FAT2: variants seen among roughly 807,000 people sequenced by gnomAD.
The protein encoded by FAT2 is FAT atypical cadherin 2.
A neutral mutation model predicts 295.3 loss-of-function variants in FAT2; 150 were observed. The observed-to-expected ratio is 0.51, with a 90% CI of 0.44 to 0.58. The LOEUF is 0.58. Ranked by LOEUF, FAT2 falls within the 20% of genes least tolerant of loss-of-function variation. FAT2 has a pLI of 0.00. For synonymous variants in FAT2, 2,026 were observed against 2,150.3 expected, an observed-to-expected ratio of 0.94 and a Z score of 1.60; for missense variants, 4,868 against 5,442.7, an observed-to-expected ratio of 0.89 and a Z score of 3.32.
rs572704184 is a variant in FAT2, at chr5:151,568,515, C to T, written c.417G>A (p.Leu139=). 2.5e-6 allele frequency: 4 copies of T among 1,614,104 alleles called. No individual in the cohort carries two copies. The highest frequency in any genetic ancestry group is 3.4e-6 in the Non-Finnish European group (4 of 1,180,010). ...AGAGAGGCTTCAGGTCATTCTGGTC[C>T]AGGATGTGGACCACCACACGGGTCA... ...EALTRVVVHI[L]DQNDLKPLFS... Residue 139 remains leucine, a synonymous_variant, in exon 2 of 24, where the codon CTG becomes CTA. Coordinates refer to ENST00000261800, the MANE Select transcript of FAT2 (RefSeq NM_001447.3).
In FAT2 at chr5:151,563,645, G is replaced by A. The variant is rs772630017; in HGVS notation, c.3260-6C>T. 16 of 1,609,330 alleles carry A rather than the reference G, an allele frequency of 9.9e-6. No individual in the cohort carries two copies. The South Asian group carries it at 1.7e-4, about 17-fold the overall frequency. Reference sequence around the variant, plus strand: ...TGCCAGAGTCTGAATCATTCCTAGGGACAGTAAGTCAGCAAACCCAAAATA... The same window carrying A: ...TGCCAGAGTCTGAATCATTCCTAGGAACAGTAAGTCAGCAAACCCAAAATA... On this transcript the variant is annotated splice_region_variant and splice_polypyrimidine_tract_variant and intron_variant, in intron 2 of 23. Coordinates refer to ENST00000261800, the MANE Select transcript of FAT2 (RefSeq NM_001447.3).
Position 151,525,834 on chromosome 5 carries a change from A to T in FAT2, c.10440T>A (p.Asp3480Glu), listed in dbSNP as rs746991652. 4.5e-5 allele frequency: 72 copies of T among 1,613,974 alleles called. No individual in the cohort carries two copies. Among genetic ancestry groups the T allele is most frequent in the Admixed American group, 6.7e-5 (4 of 59,992 alleles). Residue 3480 changes from aspartate (D) to glutamate (E), a missense_variant, in exon 18 of 24, where the codon GAT (aspartate) becomes GAA (glutamate). Asp to Glu is a conservative substitution (Grantham distance 45). Around this residue, in one of 5 missense-constraint regions of FAT2, gnomAD observed 1,046 missense variants for 1,210.1 expected, o/e 0.86. Transcript: ENST00000261800. ...NNGSAFRVTP[D>E]GWLVTAEGLS... is the part of the protein sequence containing the mutation. ...GGCCCTCAGCAGTCACCAGCCATCC[A>T]TCCGGGGTCACTCGGAAGGCAGAGC... is the stretch of plus-strand genomic sequence containing the variant.
intron 3 of FAT2, among the ~76,000 whole-genome samples, chr5:151,562,485 C>T (rs990454436): frequency 2.6e-5 from 4 of 152,100 alleles, no homozygotes; most frequent in Admixed American, 6.5e-5. Context: ...CAATGAGGGA[C>T]GCAGGCTGGG....
intron 4 of FAT2, 76 bp downstream of exon 4, chr5:151,556,267 TG>T: frequency 2.5e-6 from 3 of 1,211,536 alleles, no homozygotes; most frequent in Non-Finnish European, 3.7e-6. Context: ...TCAGCCACAG[TG>T]CTAGACATGC....
rs1348852517 is a variant in FAT2, at chr5:151,543,352, A to G, written c.7775T>C (p.Val2592Ala). ...PPQFKASEYTVSIQSNVSKDS... is the reference protein window; with the variant it reads ...PPQFKASEYTASIQSNVSKDS... The stretch of plus-strand genomic sequence containing the variant: ...TTTACTGACATTGGATTGAATGGAT[A>G]CTGTGTACTCAGATGCTTTGAACTG... The change falls in exon 10 of 24, where the codon GTA becomes GCA. Residue 2592 changes from valine (V) to alanine (A), a missense_variant. This residue lies in a region of FAT2 where 3,297 missense variants were observed against 3,669.4 expected (regional missense o/e 0.90). Coordinates refer to ENST00000261800, the MANE Select transcript of FAT2 (RefSeq NM_001447.3). The G allele has an allele frequency of 1.2e-6, 2 of 1,614,042 alleles. No homozygotes were observed. Among genetic ancestry groups the G allele is most frequent in the Non-Finnish European group, 1.7e-6 (2 of 1,180,044 alleles).
At position 151,553,388 on chromosome 5, in the gene FAT2, C is replaced by A. The variant is rs1283150947; in HGVS notation, c.3946-1G>T. 6.2e-7 allele frequency: 1 copy of A among 1,613,944 alleles called. No individual in the cohort carries two copies. The highest frequency in any genetic ancestry group is 8.5e-7 in the Non-Finnish European group (1 of 1,179,914). On this transcript the variant is annotated splice_acceptor_variant, in intron 5 of 23. Coordinates refer to ENST00000261800, the MANE Select transcript of FAT2 (RefSeq NM_001447.3). LOFTEE classifies it high-confidence loss of function. Reference sequence around the variant, plus strand: ...GCTGCCCACTGTCTGTTGCCTTGATCTGAAAGGAGGCCAACACCAAAACTG... The same window carrying A: ...GCTGCCCACTGTCTGTTGCCTTGATATGAAAGGAGGCCAACACCAAAACTG...
chr5:151,543,484 G>A lies in FAT2; in HGVS notation c.7643C>T (p.Ser2548Leu). The part of the protein sequence containing the change: ...ATLQKLDREN[S>L]TERVIAIKVM... ...CTTAATAGCAATGACTCTCTCTGTT[G>A]AATTTTCCCGATCCAGTTTCTGCAG... Residue 2548 changes from serine (S) to leucine (L), a missense_variant, in exon 10 of 24, where the codon TCA becomes TTA. This residue lies in a region of FAT2 where 3,297 missense variants were observed against 3,669.4 expected (regional missense o/e 0.90). Transcript: ENST00000261800. 6.2e-7 allele frequency: 1 copy of A among 1,614,156 alleles called. No individual in the cohort carries two copies. The highest frequency in any genetic ancestry group is 8.5e-7 in the Non-Finnish European group (1 of 1,180,034).
chr5:151,547,886 T>G (rs1003667314), intron 9 of FAT2, among the ~76,000 whole-genome samples: 1 of 152,190 alleles, frequency 6.6e-6, no homozygotes, highest in African/African-American at 2.4e-5. Flanking sequence ...ATGATGGTTA[T>G]GTGTTGTGTT....
In FAT2 at chr5:151,522,183, C is replaced by T. The variant is rs760848238; in HGVS notation, c.10507-97G>A. On this transcript the variant is annotated intron_variant, in intron 18 of 23. Transcript: ENST00000261800. ...TCCTTGTGGAGCTACGTTTCTCTGC[C>T]CCACGCCCAACTTGAGGGCTGGCTC... 35 of 988,360 alleles carry T rather than the reference C, an allele frequency of 3.5e-5. No individual in the cohort carries two copies. The South Asian group carries it at 5.5e-4, about 16-fold the overall frequency. The allele number at this position is 988,360 out of a possible 1,614,324, so 61.2% of individuals were successfully genotyped here.
intron 13 of FAT2, among the ~76,000 whole-genome samples, chr5:151,533,744 C>CATAT (rs559542473): frequency 6.6e-6 from 1 of 151,278 alleles, no homozygotes; most frequent in East Asian, 1.9e-4. Context: ...TACACACATA[C>CATAT]ATATATATAT....
Position 151,512,270 on chromosome 5 carries a change from C to T in FAT2, c.11800G>A (p.Gly3934Ser), listed in dbSNP as rs1420322262. The T allele has an allele frequency of 3.7e-6, 6 of 1,614,236 alleles. No individual in the cohort carries two copies. Among genetic ancestry groups the T allele is most frequent in the Admixed American group, 1.7e-5 (1 of 60,034 alleles). The change falls in exon 21 of 24, where the codon GGC becomes AGC. Residue 3934 changes from glycine to serine, a missense_variant. Coordinates refer to ENST00000261800, the MANE Select transcript of FAT2 (RefSeq NM_001447.3). This position sits in a 1 kb window ranked among gnomAD's most constrained non-coding sequence, Gnocchi z 4.1. ...DLLAPGKTVA[G>S]LLETQALTQC... ...GTGAGGGCTTGTGTCTCCAGCAAGC[C>T]TGCCACCGTCTTGCCAGGGGCCAGC...
At position 151,505,761 on chromosome 5, in the gene FAT2, C is replaced by G. The variant is rs149865780; in HGVS notation, c.12854G>C (p.Gly4285Ala). 257 of 1,613,808 alleles carry G rather than the reference C, an allele frequency of 1.6e-4. 1 individual carries two copies. In the African/African-American group the frequency reaches 2.5e-3, roughly 16 times the overall value. The change falls in exon 24 of 24, where the codon GGG (glycine) becomes GCG (alanine). Residue 4285 changes from glycine to alanine, a missense_variant. Physicochemically the swap from Gly to Ala is moderately conservative, Grantham distance 60. Coordinates refer to ENST00000261800, the MANE Select transcript of FAT2 (RefSeq NM_001447.3). ...CCCGTCTGCCAGGCAGGGCCCTCCC[C>G]CTCCCTGCCGGAACTGCGAGTGGTA... ...SYYHSQFRQG[G>A]GGPCLADGGY...
chr5:151,586,063 A>G (rs945891007), intron 1 of FAT2, among the ~76,000 whole-genome samples: 9 of 152,336 alleles, frequency 5.9e-5, no homozygotes, highest in Middle Eastern at 3.4e-3. Context: ...CCTCAGGCTA[A>G]GCTTCCAAGG....
chr5:151,573,065 A>G lies in FAT2; in HGVS notation c.-20-4114T>C, dbSNP rs116682702. 5.2e-3 allele frequency among the ~76,000 whole-genome samples: 785 copies of G among 152,296 alleles called. 9 individuals are homozygous for G. The highest frequency in any genetic ancestry group is 0.018 in the African/African-American group (737 of 41,548). The stretch of plus-strand genomic sequence containing the variant: ...TACCTGGCCATGAATGGACCCTTTT[A>G]GGATATATGTATGAACCAACTCTGC... On this transcript the variant is annotated intron_variant, in intron 1 of 23. Coordinates refer to ENST00000261800, the MANE Select transcript of FAT2 (RefSeq NM_001447.3).
chr5:151,553,579 G>A (rs1274002515), intron 5 of FAT2, among the ~76,000 whole-genome samples, 192 bp from the exon 6 acceptor site: 2 of 152,196 alleles, frequency 1.3e-5, no homozygotes, highest in Non-Finnish European at 2.9e-5. Context: ...GCACGGTGGT[G>A]AACAAAACGT....
chr5:151,589,726 T>C (rs1008258158), intron 1 of FAT2, among the ~76,000 whole-genome samples: 1 of 151,514 alleles, frequency 6.6e-6, no homozygotes, highest in African/African-American at 2.4e-5. Context: ...TGAGACCCCA[T>C]CTCTACAAAA....
Position 151,545,199 on chromosome 5 carries a change from A to G in FAT2, c.5928T>C (p.Ala1976=), listed in dbSNP as rs1425017815. The part of the protein sequence containing the change: ...LQFDQDVYWA[A]VKENLQDRKA... Reference sequence around the variant, plus strand: ...TTCTGTCCTGCAAGTTCTCCTTCACAGCTGCCCAGTAGACATCCTGATCAA... The same window carrying G: ...TTCTGTCCTGCAAGTTCTCCTTCACGGCTGCCCAGTAGACATCCTGATCAA... The change falls in exon 10 of 24, where the codon GCT becomes GCC. Residue 1976 remains alanine (A), a synonymous_variant. Coordinates refer to ENST00000261800, the MANE Select transcript of FAT2 (RefSeq NM_001447.3). 1.2e-6 allele frequency: 2 copies of G among 1,614,088 alleles called. No individual in the cohort carries two copies. Among genetic ancestry groups the G allele is most frequent in the African/African-American group, 2.7e-5 (2 of 74,924 alleles).
chr5:151,537,372 AAAC>A (rs1755531774), intron 12 of FAT2, among the ~76,000 whole-genome samples: 4 of 151,228 alleles, frequency 2.6e-5, no homozygotes, highest in African/African-American at 7.3e-5. Context: ...GGAAGGAAAG[AAAC>A]AACGAACAAC....
rs747648362 is a variant in FAT2, at chr5:151,551,450, C to T, written c.4296+17G>A. 1.2e-6 allele frequency: 2 copies of T among 1,612,680 alleles called. No individual in the cohort carries two copies. The highest frequency in any genetic ancestry group is 1.7e-5 in the Admixed American group (1 of 59,964). ...CATCTCCTCTCAATACAGGGGTCCC[C>T]AGCCGAGGCCTCTAACCTGTGTGGC... On this transcript the variant is annotated intron_variant, in intron 7 of 23. Coordinates refer to ENST00000261800, the MANE Select transcript of FAT2 (RefSeq NM_001447.3).
Sources: gnomAD v4.1 joint callset for allele counts (sites outside exome capture counted in the v4.1 genomes callset) on GRCh38, gnomAD v4.1.1 for gene constraint, gnomAD v4.1.1 regional missense constraint, Gnocchi (gnomAD v3.1) non-coding constraint, MANE v1.5 for transcripts, NCBI Gene and HGNC (gene_info 2026-07-23, HGNC 2026-07-21) for gene names.